COL18A1: variants seen among roughly 807,000 people sequenced by gnomAD.
The protein encoded by COL18A1 is collagen type XVIII alpha 1 chain, also known as collagen alpha-1(XVIII) chain.
Under a neutral mutation model 168.0 loss-of-function variants are expected in COL18A1, and 133 were observed. That is an observed-to-expected ratio of 0.79 (90% CI 0.69 to 0.91). The LOEUF (loss-of-function observed/expected upper bound fraction) is 0.91. COL18A1 is among the 40% of genes least tolerant of loss of function. The probability of loss-of-function intolerance (pLI) is 0.00; values close to 1 mark genes in which losing one functional copy is unlikely to be tolerated. For synonymous variants in COL18A1, 949 were observed against 809.0 expected (o/e 1.17, Z -2.94); for missense variants, 2,126 against 1,925.4 (o/e 1.10, Z -1.95).
intron 2 of COL18A1, among the ~76,000 whole-genome samples, chr21:45,427,845 G>A (rs928259457): frequency 2.0e-5 from 3 of 152,192 alleles, no homozygotes; most frequent in Non-Finnish European, 4.4e-5. Flanking sequence ...TCGGGAATGC[G>A]CCGGCAACTG....
chr21:45,462,762 A>G (rs76659896), intron 2 of COL18A1, among the ~76,000 whole-genome samples: 4,287 of 152,146 alleles, frequency 0.028, 211 homozygotes, highest in African/African-American at 0.097. Flanking sequence ...AGCTTCTGTT[A>G]ATTTATTTTT....
chr21:45,507,347 G>A (rs1822233092), intron 37 of COL18A1: 1 of 626,570 alleles, frequency 1.6e-6, no homozygotes, highest in Non-Finnish European at 2.9e-6. Context: ...TGCTGGGCAG[G>A]GAGGGCACCC....
chr21:45,510,068 ACCTGGTTGCGCTCAACAGCCC>A lies in COL18A1; in HGVS notation c.3505_3525del (p.Val1169_Leu1175del). The A allele has an allele frequency of 1.9e-6, 3 of 1,566,972 alleles. No individual in the cohort carries two copies. Among genetic ancestry groups the A allele is most frequent in the Non-Finnish European group, 2.6e-6 (3 of 1,161,162 alleles). ...GACGCGCCCCTCTCCCCGCAGCTCC[ACCTGGTTGCGCTCAACAGCCC>A]CCTGTCAGGCGGCATGCGGGGCATC... On this transcript the variant is annotated inframe_deletion, in exon 40 of 42. Transcript: ENST00000651438.
Position 45,447,031 on chromosome 21 carries a change from G to A in COL18A1, c.107-21211G>A, listed in dbSNP as rs1000177591. ...GACACCGTGCTTGTGGTGGAGGAGC[G>A]AATGCTTTCCTCCTAAGATCAGGAG... On this transcript the variant is annotated intron_variant, in intron 2 of 41. Coordinates refer to ENST00000651438, the MANE Select transcript of COL18A1 (RefSeq NM_001379500.1). 1.3e-3 allele frequency among the ~76,000 whole-genome samples: 194 copies of A among 152,162 alleles called. 1 individual carries two copies. The highest frequency in any genetic ancestry group is 4.1e-4 in the South Asian group (2 of 4,834).
Position 45,495,334 on chromosome 21 carries a change from C to A in COL18A1, c.2434-24C>A, listed in dbSNP as rs1365794199. The A allele has an allele frequency of 1.9e-6, 3 of 1,589,926 alleles. No homozygotes were observed. The South Asian group carries it at 3.4e-5, about 18-fold the overall frequency. On this transcript the variant is annotated intron_variant, in intron 28 of 41. Transcript: ENST00000651438. The stretch of plus-strand genomic sequence containing the variant: ...TGGTAATCATCAGTGCCCAGCAGTC[C>A]CCACCCCCTGTGCTCCGCCCCAGGG...
At chr21:45,483,470 C>T (rs774968163) in intron 15 of COL18A1, among the ~76,000 whole-genome samples, 11 of 152,084 alleles carry the variant, frequency 7.2e-5, no homozygotes, top group Non-Finnish European at 1.5e-4. Flanking sequence ...GACACCCCCC[C>T]AACGACCCAC....
intron 2 of COL18A1, among the ~76,000 whole-genome samples, chr21:45,430,766 G>A (rs997715610): frequency 2.6e-5 from 4 of 152,120 alleles, no homozygotes; most frequent in South Asian, 4.1e-4. Flanking sequence ...GGCTTTCCCC[G>A]GCCCTCAGCC....
At chr21:45,419,726 C>T (rs1433538040) in intron 2 of COL18A1, 1 of 152,232 alleles carries the variant, frequency 6.6e-6, no homozygotes, top group Non-Finnish European at 1.5e-5. Flanking sequence ...GATTTTTAAA[C>T]AGTTTTATTT....
chr21:45,444,298 G>A (rs543338311), intron 2 of COL18A1, among the ~76,000 whole-genome samples: 418 of 152,294 alleles, frequency 2.7e-3, no homozygotes, highest in African/African-American at 9.8e-3. Flanking sequence ...TGGAGTGAAT[G>A]AAGGGCCGTG....
chr21:45,490,911 C>A, intron 21 of COL18A1, 40 bp downstream of exon 21: 1 of 1,536,464 alleles, frequency 6.5e-7, no homozygotes, highest in Non-Finnish European at 8.8e-7. Context: ...ATGGGGGGCG[C>A]TGGGACATCC....
intron 2 of COL18A1, among the ~76,000 whole-genome samples, chr21:45,426,312 C>G (rs1397020619): frequency 6.6e-6 from 1 of 152,158 alleles, no homozygotes; most frequent in East Asian, 1.9e-4. Context: ...ACCATGTTGG[C>G]CAGGCTGGTC....
At chr21:45,487,184 C>T (rs1050209289) in intron 16 of COL18A1, among the ~76,000 whole-genome samples, 192 bp downstream of exon 16, 3 of 152,216 alleles carry the variant, frequency 2.0e-5, no homozygotes, top group African/African-American at 7.2e-5. Context: ...CCCCACGGTG[C>T]TGATGGGGAT....
Position 45,487,537 on chromosome 21 carries a change from C to T in COL18A1, c.1896+28C>T, listed in dbSNP as rs532119743. 22 of 1,611,450 alleles carry T rather than the reference C, an allele frequency of 1.4e-5. No homozygotes were observed. The African/African-American group carries it at 2.7e-4, about 20-fold the overall frequency. The stretch of plus-strand genomic sequence containing the variant: ...AGTGTTGTGAGCTGGGCGTGGCCGG[C>T]TCTGAGGGGTAAGGGGGTGTTGCCT... On this transcript the variant is annotated intron_variant, in intron 17 of 41. Transcript: ENST00000651438.
rs545057492 is a variant in COL18A1, at chr21:45,512,944, G to GC, written c.*550dup. ...GCTCAGGTCCCTGGGGCTAGGGGGAGCCCCTTCTGCTCAGCTCTGGGCCAT... is the reference window on the plus strand; with the variant it reads ...GCTCAGGTCCCTGGGGCTAGGGGGAGCCCCCTTCTGCTCAGCTCTGGGCCAT... On this transcript the variant is annotated 3_prime_UTR_variant, in exon 42 of 42. Transcript: ENST00000651438. The GC allele has an allele frequency of 9.6e-4, 179 of 185,774 alleles. 1 individual carries two copies. Among genetic ancestry groups the GC allele is most frequent in the African/African-American group, 4.0e-3 (170 of 42,256 alleles). The allele number at this position is 185,774 out of a possible 1,614,324, so 11.5% of individuals were successfully genotyped here.
At chr21:45,510,454 C>T (rs1256979867) in intron 40 of COL18A1, among the ~76,000 whole-genome samples, 193 bp downstream of exon 40, 1 of 152,178 alleles carries the variant, frequency 6.6e-6, no homozygotes, top group Non-Finnish European at 1.5e-5. Context: ...GCCTCTGCAT[C>T]CCTGGGCACT....
Position 45,423,614 on chromosome 21 carries a change from A to G in COL18A1, c.106+18141A>G, listed in dbSNP as rs114148907. Among the ~76,000 whole-genome samples, 2,183 of 151,110 alleles carry G rather than the reference A, an allele frequency of 0.014. 62 individuals are homozygous for G. The highest frequency in any genetic ancestry group is 0.051 in the African/African-American group (2,094 of 41,110). ...GGTTGTCCCCACCCCCACCTGAGTT[A>G]CTGCGGAACCAAGGGGCTCATGGCC... On this transcript the variant is annotated intron_variant, in intron 2 of 41. Coordinates refer to ENST00000651438, the MANE Select transcript of COL18A1 (RefSeq NM_001379500.1). The surrounding 1 kb of genome is among the most constrained non-coding windows in gnomAD (Gnocchi z 4.0).
At chr21:45,415,623 C>T (rs1410793910) in intron 2 of COL18A1, among the ~76,000 whole-genome samples, 1 of 152,130 alleles carries the variant, frequency 6.6e-6, no homozygotes, top group Non-Finnish European at 1.5e-5. Flanking sequence ...GGGGCAGGCC[C>T]CGGACGGGAA....
At chr21:45,407,130 C>G (rs1376589632) in intron 2 of COL18A1, among the ~76,000 whole-genome samples, 1 of 152,236 alleles carries the variant, frequency 6.6e-6, no homozygotes, top group Admixed American at 6.5e-5. Flanking sequence ...CCACCCGCAG[C>G]CCGGGTTCCA....
At chr21:45,494,078 G>A in intron 26 of COL18A1, 1 of 295,422 alleles carries the variant, frequency 3.4e-6, no homozygotes, top group African/African-American at 2.2e-5. Flanking sequence ...GATCTTTGGA[G>A]TGTGGGCCAC....
Sources: allele counts gnomAD v4.1 joint callset (sites outside exome capture counted in the v4.1 genomes callset), GRCh38; gene constraint gnomAD v4.1.1; non-coding constraint Gnocchi (gnomAD v3.1); transcripts MANE v1.5; gene names NCBI Gene and HGNC (gene_info 2026-07-23, HGNC 2026-07-21).